FCHSD2: variants seen among roughly 807,000 people sequenced by gnomAD.
FCHSD2 encodes F-BAR and double SH3 domains protein 2.
A neutral mutation model predicts 108.1 loss-of-function variants in FCHSD2; 38 were observed. The observed-to-expected ratio is 0.35, with a 90% CI of 0.27 to 0.46. The LOEUF is 0.46. FCHSD2 is among the 20% of genes least tolerant of loss of function. The pLI, the probability that FCHSD2 is intolerant of heterozygous loss-of-function variation, is 1.00. For synonymous variants in FCHSD2, 279 were observed against 314.7 expected (o/e 0.89, Z 1.20); for missense variants, 751 against 897.8 (o/e 0.84, Z 2.09).
intron 8 of FCHSD2, among the ~76,000 whole-genome samples, chr11:72,950,268 A>ATT (rs998426369): frequency 2.6e-5 from 4 of 152,142 alleles, no homozygotes; most frequent in African/African-American, 9.7e-5. Flanking sequence ...TAATTTGCAA[A>ATT]TATTTTCTCC....
intron 8 of FCHSD2, among the ~76,000 whole-genome samples, chr11:72,969,706 C>T (rs1031104085): frequency 6.6e-6 from 1 of 152,098 alleles, no homozygotes; most frequent in Non-Finnish European, 1.5e-5. Flanking sequence ...AATAAAATGG[C>T]TTAACATGCA....
chr11:72,968,590 T>G (rs901965904), intron 8 of FCHSD2, among the ~76,000 whole-genome samples: 1 of 152,236 alleles, frequency 6.6e-6, no homozygotes, highest in East Asian at 1.9e-4. Context: ...CCAATTATGC[T>G]GACAGATGAT....
intron 2 of FCHSD2, among the ~76,000 whole-genome samples, chr11:73,114,608 C>T (rs1333244381): frequency 2.0e-5 from 3 of 152,048 alleles, no homozygotes; most frequent in Non-Finnish European, 4.4e-5. Flanking sequence ...GGTATTGCTG[C>T]TGGTTCCTCA....
At chr11:72,970,367 T>A (rs557683640) in intron 8 of FCHSD2, among the ~76,000 whole-genome samples, 1 of 152,322 alleles carries the variant, frequency 6.6e-6, no homozygotes, top group East Asian at 1.9e-4. Flanking sequence ...TTGTCTTTTA[T>A]CTAAAAGCCC....
chr11:73,096,986 G>GTTTTT (rs1400831147), intron 2 of FCHSD2, among the ~76,000 whole-genome samples: 1 of 19,474 alleles, frequency 5.1e-5, no homozygotes, highest in Non-Finnish European at 8.4e-5. Context: ...TTCATTGATG[G>GTTTTT]ATTTTTTTTT....
At chr11:72,954,281 CACTGCAAGCCTCAA>C (rs1342359344) in intron 8 of FCHSD2, among the ~76,000 whole-genome samples, 1 of 146,462 alleles carries the variant, frequency 6.8e-6, no homozygotes, top group Non-Finnish European at 1.5e-5. Flanking sequence ...CATGGCGGCT[CACTGCAAGCCTCAA>C]ACACCTGGGC....
chr11:72,922,310 AG>A (rs772652354), intron 8 of FCHSD2, among the ~76,000 whole-genome samples: 26 of 152,188 alleles, frequency 1.7e-4, no homozygotes, highest in South Asian at 6.2e-4. Context: ...GGAAAAGAGT[AG>A]ACACTCTACA....
chr11:72,999,914 C>T (rs946475526), intron 5 of FCHSD2, among the ~76,000 whole-genome samples: 3 of 151,982 alleles, frequency 2.0e-5, no homozygotes, highest in African/African-American at 7.2e-5. Context: ...CACTTTCTTC[C>T]AACTCAAAAT....
At chr11:73,010,108 T>C (rs1432984775) in intron 4 of FCHSD2, among the ~76,000 whole-genome samples, 1 of 152,230 alleles carries the variant, frequency 6.6e-6, no homozygotes, top group Non-Finnish European at 1.5e-5. Flanking sequence ...TTTTTCTTCT[T>C]TTTGACTGCT....
intron 8 of FCHSD2, among the ~76,000 whole-genome samples, chr11:72,935,442 T>C (rs1271121103): frequency 6.6e-6 from 1 of 152,140 alleles, no homozygotes; most frequent in Non-Finnish European, 1.5e-5. Context: ...AAAATAGACT[T>C]TGGTAAAAGT....
intron 3 of FCHSD2, among the ~76,000 whole-genome samples, chr11:73,062,022 C>G (rs1859178082): frequency 6.6e-6 from 1 of 152,174 alleles, no homozygotes; most frequent in Admixed American, 6.5e-5. Context: ...TGGGAGACAC[C>G]TCCCAGTAGG....
intron 2 of FCHSD2, among the ~76,000 whole-genome samples, 161 bp from the exon 3 acceptor site, chr11:73,083,901 T>C (rs1859755386): frequency 6.6e-6 from 1 of 152,238 alleles, no homozygotes; most frequent in African/African-American, 2.4e-5. Context: ...CAGCCTGGTC[T>C]CTACAGTCAG....
chr11:73,076,576 C>A (rs1456342561), intron 3 of FCHSD2, among the ~76,000 whole-genome samples: 4 of 152,098 alleles, frequency 2.6e-5, no homozygotes, highest in African/African-American at 7.2e-5. Flanking sequence ...AGGAGATGAA[C>A]TGGAATAATG....
intron 2 of FCHSD2, among the ~76,000 whole-genome samples, chr11:73,128,612 G>T (rs987956118): frequency 1.3e-5 from 2 of 152,172 alleles, no homozygotes; most frequent in African/African-American, 4.8e-5. Context: ...GGAAAAATTT[G>T]CATAAGGAGA....
intron 8 of FCHSD2, among the ~76,000 whole-genome samples, chr11:72,935,253 T>C (rs1024715342): frequency 1.3e-5 from 2 of 152,168 alleles, no homozygotes; most frequent in Non-Finnish European, 2.9e-5. Flanking sequence ...AAATGGGTCA[T>C]TTTCCTAAGC....
At chr11:72,936,826 A>T (rs1856312220) in intron 8 of FCHSD2, among the ~76,000 whole-genome samples, 1 of 152,194 alleles carries the variant, frequency 6.6e-6, no homozygotes, top group Admixed American at 6.5e-5. Context: ...TCATTCTCAT[A>T]CTTCCCTTCA....
At chr11:73,118,621 G>T (rs1860659596) in intron 2 of FCHSD2, among the ~76,000 whole-genome samples, 1 of 152,162 alleles carries the variant, frequency 6.6e-6, no homozygotes, top group African/African-American at 2.4e-5. Flanking sequence ...ATATTTGGAG[G>T]TTTTTCTTTT....
intron 10 of FCHSD2, among the ~76,000 whole-genome samples, chr11:72,895,069 A>C (rs987250189): frequency 5.3e-5 from 8 of 152,200 alleles, no homozygotes; most frequent in South Asian, 2.1e-4. Flanking sequence ...AGTGCCTCTT[A>C]AGAGACATAA....
intron 2 of FCHSD2, among the ~76,000 whole-genome samples, chr11:73,093,341 A>G (rs892512417): frequency 3.9e-5 from 6 of 152,150 alleles, no homozygotes; most frequent in African/African-American, 9.7e-5. Flanking sequence ...GAGTCCTGGC[A>G]AATTATTGAA....
Sources: allele counts gnomAD v4.1 joint callset (sites outside exome capture counted in the v4.1 genomes callset), GRCh38; gene constraint gnomAD v4.1.1; transcripts MANE v1.5; gene names NCBI Gene and HGNC (gene_info 2026-07-23, HGNC 2026-07-21).